Variants in N4BP2 observed in about 807,000 individuals in gnomAD.
N4BP2 encodes the protein NEDD4-binding protein 2.
N4BP2 carries 91 observed loss-of-function variants against 152.8 expected under a neutral mutation model. That is an observed-to-expected ratio of 0.60 (90% CI 0.50 to 0.71). The LOEUF is 0.71. Among genes scored for constraint, N4BP2 ranks in the 30% least tolerant of loss-of-function variants. The probability of loss-of-function intolerance (pLI) is 0.00; values close to 1 mark genes in which losing one functional copy is unlikely to be tolerated. For synonymous variants in N4BP2, 646 were observed against 705.3 expected (o/e 0.92, Z 1.33); for missense variants, 1,923 against 2,059.1 (o/e 0.93, Z 1.28).
chr4:40,057,163 C>T (rs1233926446), intron 1 of N4BP2, 133 bp downstream of exon 1: 3 of 152,520 alleles, frequency 2.0e-5, no homozygotes, highest in Non-Finnish European at 4.4e-5. Context: ...ACCCCCAAGC[C>T]CTGAATGTGG....
intron 3 of N4BP2, among the ~76,000 whole-genome samples, chr4:40,098,785 A>T (rs112665910): frequency 1.7e-3 from 258 of 152,366 alleles, no homozygotes; most frequent in African/African-American, 5.8e-3. Flanking sequence ...ATTACAAGAA[A>T]TCCACATCAT....
downstream of N4BP2, among the ~76,000 whole-genome samples, chr4:40,159,652 G>A (rs763523292): frequency 7.9e-5 from 12 of 152,162 alleles, no homozygotes; most frequent in Non-Finnish European, 1.6e-4. Flanking sequence ...ACCTAGTCAT[G>A]TCATATCTAG....
At chr4:40,076,291 C>T (rs1712722706) in intron 2 of N4BP2, among the ~76,000 whole-genome samples, 1 of 152,080 alleles carries the variant, frequency 6.6e-6, no homozygotes, top group African/African-American at 2.4e-5. Flanking sequence ...GCCTGGCCAT[C>T]ATGGTGAAAC....
intron 1 of N4BP2, among the ~76,000 whole-genome samples, chr4:40,057,519 A>G (rs1463024110): frequency 6.6e-6 from 1 of 152,172 alleles, no homozygotes; most frequent in Non-Finnish European, 1.5e-5. Context: ...GTTCAAGTCC[A>G]GACACACAGC....
intron 7 of N4BP2, among the ~76,000 whole-genome samples, chr4:40,114,091 GC>G (rs1272530455): frequency 2.6e-5 from 4 of 152,166 alleles, no homozygotes; most frequent in Non-Finnish European, 5.9e-5. Context: ...CTCCATGCCT[GC>G]CTCCCACTAT....
chr4:40,127,182 C>G (rs952190578), intron 12 of N4BP2, among the ~76,000 whole-genome samples: 1 of 151,682 alleles, frequency 6.6e-6, no homozygotes, highest in African/African-American at 2.4e-5. Flanking sequence ...AGCCACTGTG[C>G]CTGACCGGCT....
At chr4:40,185,117 G>A in the N4BP2 span, among the ~76,000 whole-genome samples, 2 of 151,966 alleles carry the variant, frequency 1.3e-5, no homozygotes, top group East Asian at 1.9e-4. Context: ...TCCATTCGAC[G>A]TGTGCCTCTT....
downstream of N4BP2, among the ~76,000 whole-genome samples, chr4:40,158,900 A>T (rs569031760): frequency 1.3e-4 from 20 of 152,306 alleles, no homozygotes; most frequent in African/African-American, 4.8e-4. Context: ...TATCTAACAA[A>T]TATTTAGAGC....
At chr4:40,141,455 C>T (rs1353508967) in intron 14 of N4BP2, among the ~76,000 whole-genome samples, 4 of 151,234 alleles carry the variant, frequency 2.6e-5, no homozygotes, top group Non-Finnish European at 5.9e-5. Context: ...GACGGGGCGG[C>T]GGGGCAGAGG....
At chr4:40,142,316 C>T (rs1261980501) in intron 14 of N4BP2, 6 of 317,884 alleles carry the variant, frequency 1.9e-5, no homozygotes, top group East Asian at 7.9e-5. Flanking sequence ...GCGGTGGTGG[C>T]GACGGCTGGA....
rs1383040030 is a variant in N4BP2, at chr4:40,155,594, G to A, written c.*1357G>A. The A allele has an allele frequency of 2.0e-5, 3 of 152,228 alleles. No individual in the cohort carries two copies. Among genetic ancestry groups the A allele is most frequent in the Middle Eastern group, 3.4e-3 (1 of 294 alleles). 9.4% of individuals were successfully genotyped at this position (152,228 alleles called of 1,614,324 possible). On this transcript the variant is annotated 3_prime_UTR_variant, in exon 18 of 18. Transcript: ENST00000261435. ...AAACCTGTGTAAAGGAGGTTATAAT[G>A]TGGTAAGGTATAATTTTCCAATATG...
intron 3 of N4BP2, chr4:40,100,002 C>T (rs980111144): frequency 4.4e-6 from 2 of 450,154 alleles, no homozygotes; most frequent in African/African-American, 2.1e-5. Flanking sequence ...GCCAGGCTTG[C>T]CCCCTCCAAT....
intron 2 of N4BP2, among the ~76,000 whole-genome samples, chr4:40,087,489 G>A (rs570048691): frequency 6.6e-6 from 1 of 152,120 alleles, no homozygotes; most frequent in African/African-American, 2.4e-5. Context: ...TCAGCCTCTG[G>A]AGTAGCTGAG....
At chr4:40,094,655 A>G (rs996429164) in intron 2 of N4BP2, among the ~76,000 whole-genome samples, 5 of 152,012 alleles carry the variant, frequency 3.3e-5, no homozygotes, top group African/African-American at 1.2e-4. Flanking sequence ...TCATGGGTTC[A>G]AGCAATTCTG....
At chr4:40,066,507 A>G (rs564939018) in intron 1 of N4BP2, among the ~76,000 whole-genome samples, 1 of 151,504 alleles carries the variant, frequency 6.6e-6, no homozygotes, top group East Asian at 2.0e-4. Flanking sequence ...TTTATTAGAG[A>G]TGAGGTTACA....
At chr4:40,150,374 A>G (rs1477636334) in intron 16 of N4BP2, among the ~76,000 whole-genome samples, 4 of 152,202 alleles carry the variant, frequency 2.6e-5, no homozygotes, top group South Asian at 2.1e-4. Flanking sequence ...AGATTGTGAA[A>G]ATCTAGGATA....
Position 40,157,461 on chromosome 4 carries a change from T to G in N4BP2, c.*3224T>G, listed in dbSNP as rs1223845840. The G allele has an allele frequency of 2.0e-5, 3 of 152,130 alleles. No individual in the cohort carries two copies. Among genetic ancestry groups the G allele is most frequent in the African/African-American group, 7.2e-5 (3 of 41,448 alleles). The allele number at this position is 152,130 out of a possible 1,614,324, so 9.4% of individuals were successfully genotyped here. On this transcript the variant is annotated 3_prime_UTR_variant, in exon 18 of 18. Transcript: ENST00000261435. ...TTTTGAATTCAAGTGTTTTGTATGC[T>G]TAGAAAGTAGACATGTATAATATTG...
At position 40,155,108 on chromosome 4, in the gene N4BP2, T is replaced by G. The variant is rs1387918039; in HGVS notation, c.*871T>G. 2.0e-5 allele frequency: 3 copies of G among 152,246 alleles called. No homozygotes were observed. The highest frequency in any genetic ancestry group is 4.4e-5 in the Non-Finnish European group (3 of 68,046). The allele number at this position is 152,246 out of a possible 1,614,324, so 9.4% of individuals were successfully genotyped here. On this transcript the variant is annotated 3_prime_UTR_variant, in exon 18 of 18. Transcript: ENST00000261435. Reference sequence around the variant, plus strand: ...AATATAGAAAATATTTTGTTTATAATTGGCCTGGTGTGGTGGCCCACGCCT... The same window carrying G: ...AATATAGAAAATATTTTGTTTATAAGTGGCCTGGTGTGGTGGCCCACGCCT...
intron 4 of N4BP2, among the ~76,000 whole-genome samples, chr4:40,106,134 A>G (rs762009916): frequency 2.0e-5 from 3 of 152,228 alleles, no homozygotes; most frequent in African/African-American, 7.2e-5. Flanking sequence ...TCTAACCATT[A>G]TAAAGATTTT....
Sources: allele counts gnomAD v4.1 joint callset (sites outside exome capture counted in the v4.1 genomes callset), GRCh38; gene constraint gnomAD v4.1.1; transcripts MANE v1.5; gene names NCBI Gene and HGNC (gene_info 2026-07-23, HGNC 2026-07-21).